RAI1: variants seen among roughly 807,000 people sequenced by gnomAD.
RAI1 encodes the protein retinoic acid-induced protein 1.
A neutral mutation model predicts 123.8 loss-of-function variants in RAI1; 9 were observed. The observed-to-expected ratio is 0.07, with a 90% CI of 0.04 to 0.13. The LOEUF (loss-of-function observed/expected upper bound fraction) is 0.13, where lower values mean the gene tolerates loss of function less well. Ranked by LOEUF, RAI1 falls within the 10% of genes least tolerant of loss-of-function variation. The probability of loss-of-function intolerance (pLI) is 1.00; values close to 1 mark genes in which losing one functional copy is unlikely to be tolerated. For synonymous variants in RAI1, 1,231 were observed against 1,127.3 expected, an observed-to-expected ratio of 1.09 and a Z score of -1.84; for missense variants, 2,256 against 2,545.8, an observed-to-expected ratio of 0.89 and a Z score of 2.45.
Position 17,785,102 on chromosome 17 carries a change from T to G in RAI1, c.-16-7831T>G, listed in dbSNP as rs973151075. ...TGGAGAGCAAGGGCCATGTGCTGTT[T>G]CCTGTGTGTCTCCGGCACCCAGCTC... On this transcript the variant is annotated intron_variant, in intron 2 of 5. Coordinates refer to ENST00000353383, the MANE Select transcript of RAI1 (RefSeq NM_030665.4). Among the ~76,000 whole-genome samples the G allele has an allele frequency of 1.2e-4, 18 of 152,302 alleles. 1 individual carries two copies. The South Asian group carries it at 1.9e-3, about 16-fold the overall frequency.
intron 2 of RAI1, among the ~76,000 whole-genome samples, chr17:17,786,138 G>C (rs1376782639): frequency 6.6e-6 from 1 of 152,034 alleles, no homozygotes; most frequent in African/African-American, 2.4e-5. Context: ...CACTTTATTT[G>C]GGAGCAGGAT....
intron 1 of RAI1, among the ~76,000 whole-genome samples, chr17:17,718,287 GAACATTTGAAAATGTTCC>G (rs1915772072): frequency 6.6e-6 from 1 of 152,072 alleles, no homozygotes; most frequent in South Asian, 2.1e-4. Context: ...CAAATGTTTG[GAACATTTGAAAATGTTCC>G]AAAAATGTAA....
chr17:17,781,345 T>C (rs1009188917), intron 2 of RAI1, among the ~76,000 whole-genome samples: 2 of 152,202 alleles, frequency 1.3e-5, no homozygotes, highest in African/African-American at 4.8e-5. Context: ...CGGAGCAGTC[T>C]GCAAAATGTC....
chr17:17,771,624 C>T (rs2142995270), intron 2 of RAI1, among the ~76,000 whole-genome samples: 1 of 152,332 alleles, frequency 6.6e-6, no homozygotes, highest in Non-Finnish European at 1.5e-5. Context: ...CTCATGTGTG[C>T]ACATAGCCAT....
At chr17:17,688,106 A>C (rs948637647) in intron 1 of RAI1, among the ~76,000 whole-genome samples, 1 of 151,018 alleles carries the variant, frequency 6.6e-6, no homozygotes, top group East Asian at 1.9e-4. Context: ...TTGGGGCCAT[A>C]AACAGGCTTT....
At position 17,696,688 on chromosome 17, in the gene RAI1, A is replaced by AGGGGGTCCTGCTTGCT. The variant is rs548462118; in HGVS notation, c.-149+14901_-149+14916dup. ...TAACCAATGATATGCAGCTTGGGTC[A>AGGGGGTCCTGCTTGCT]GGGGGTCCTGCTTGCTGGGGGCCCA... On this transcript the variant is annotated intron_variant, in intron 1 of 5. Coordinates refer to ENST00000353383, the MANE Select transcript of RAI1 (RefSeq NM_030665.4). Among the ~76,000 whole-genome samples the AGGGGGTCCTGCTTGCT allele has an allele frequency of 1.7e-3, 266 of 152,310 alleles. 2 individuals carry two copies. The highest frequency in any genetic ancestry group is 6.1e-3 in the African/African-American group (255 of 41,570).
chr17:17,797,473 C>A lies in RAI1; in HGVS notation c.4525C>A (p.Gln1509Lys). ...GATGGAGGAGCTGGGCCTGGCCTCC[C>A]AGCCCCCGGAGGGCAGGCCCTGCCA... ...PKMEELGLAS[Q>K]PPEGRPCQPQ... is the part of the protein sequence containing the mutation. The change falls in exon 3 of 6, where the codon CAG (glutamine) becomes AAG (lysine). Residue 1509 changes from glutamine to lysine, a missense_variant. Transcript: ENST00000353383. 1 of 1,613,300 alleles carries A rather than the reference C, an allele frequency of 6.2e-7. No individual in the cohort carries two copies.
intron 2 of RAI1, among the ~76,000 whole-genome samples, chr17:17,749,740 ACTAAGGTTGGT>A (rs1193918628): frequency 6.6e-6 from 1 of 152,062 alleles, no homozygotes; most frequent in Non-Finnish European, 1.5e-5. Context: ...TGGTTTATTT[ACTAAGGTTGGT>A]CCTTCTTGCC....
chr17:17,686,900 C>A (rs1225785073), intron 1 of RAI1, among the ~76,000 whole-genome samples: 3 of 152,126 alleles, frequency 2.0e-5, no homozygotes, highest in African/African-American at 7.2e-5. Flanking sequence ...TGGCTCCATG[C>A]TTGCATGGCC....
intron 1 of RAI1, among the ~76,000 whole-genome samples, chr17:17,692,559 C>T (rs1914877067): frequency 6.6e-6 from 1 of 152,206 alleles, no homozygotes; most frequent in Non-Finnish European, 1.5e-5. Flanking sequence ...CCGCAGGCTC[C>T]AAAGCCAGGC....
At chr17:17,695,349 T>C (rs1291151705) in intron 1 of RAI1, among the ~76,000 whole-genome samples, 3 of 151,900 alleles carry the variant, frequency 2.0e-5, no homozygotes, top group African/African-American at 7.3e-5. Context: ...TTGGCAGTCG[T>C]TGGACTGTCT....
chr17:17,700,806 G>T (rs1361207635), intron 1 of RAI1, among the ~76,000 whole-genome samples: 1 of 131,722 alleles, frequency 7.6e-6, no homozygotes, highest in Non-Finnish European at 1.5e-5. Flanking sequence ...AACCGCGCCG[G>T]CTTCGTGCTC....
At chr17:17,699,636 G>GGC (rs1915148744) in intron 1 of RAI1, among the ~76,000 whole-genome samples, 1 of 145,982 alleles carries the variant, frequency 6.9e-6, no homozygotes, top group Non-Finnish European at 1.5e-5. Context: ...GGCCGGGGGG[G>GGC]GGGGAATCAA....
chr17:17,803,939 C>T, intron 4 of RAI1, 90 bp downstream of exon 4: 1 of 1,199,840 alleles, frequency 8.3e-7, no homozygotes, highest in Non-Finnish European at 1.2e-6. Context: ...CAAACCCAGG[C>T]CCCATCTCAC....
intron 2 of RAI1, chr17:17,776,543 G>A (rs1396251580): frequency 6.6e-6 from 1 of 150,398 alleles, no homozygotes; most frequent in African/African-American, 2.5e-5. Flanking sequence ...GTTAATTTTT[G>A]TATTTTTATA....
At chr17:17,782,405 C>A (rs2031619871) in intron 2 of RAI1, among the ~76,000 whole-genome samples, 1 of 151,736 alleles carries the variant, frequency 6.6e-6, no homozygotes, top group African/African-American at 2.4e-5. Context: ...CGGGATTCCC[C>A]CTCCTCCGCC....
At chr17:17,740,293 T>C (rs1170043560) in intron 2 of RAI1, among the ~76,000 whole-genome samples, 1 of 152,162 alleles carries the variant, frequency 6.6e-6, no homozygotes. Context: ...CAGGGGTCCC[T>C]AGCTCCTCCT....
At chr17:17,776,328 G>A (rs975253451) in intron 2 of RAI1, among the ~76,000 whole-genome samples, 1 of 152,178 alleles carries the variant, frequency 6.6e-6, no homozygotes, top group African/African-American at 2.4e-5. Context: ...CATGCTCATG[G>A]TAGAAAAATT....
At chr17:17,726,728 GA>G (rs5819621) in intron 2 of RAI1, among the ~76,000 whole-genome samples, 90,744 of 151,208 alleles carry the variant, frequency 0.6, 27,804 homozygotes, top group African/African-American at 0.71. Context: ...CAGAAAAGCT[GA>G]AAAAAAAAGA....
Sources: gnomAD v4.1 joint callset for allele counts (sites outside exome capture counted in the v4.1 genomes callset) on GRCh38, gnomAD v4.1.1 for gene constraint, MANE v1.5 for transcripts, NCBI Gene and HGNC (gene_info 2026-07-23, HGNC 2026-07-21) for gene names.